CAMTA1: variants seen among roughly 807,000 people sequenced by gnomAD.
The protein encoded by CAMTA1 is calmodulin binding transcription activator 1.
A neutral mutation model predicts 170.9 loss-of-function variants in CAMTA1; 27 were observed. The ratio of observed to expected loss-of-function variants is 0.16; its 90% CI spans 0.12 to 0.22. The LOEUF (loss-of-function observed/expected upper bound fraction) is 0.22, where lower values mean the gene tolerates loss of function less well. Ranked by LOEUF, CAMTA1 falls within the 10% of genes least tolerant of loss-of-function variation. The pLI is 1.00. For synonymous variants in CAMTA1, 833 were observed against 891.5 expected, an observed-to-expected ratio of 0.93 and a Z score of 1.17; for missense variants, 1,619 against 2,217.2, an observed-to-expected ratio of 0.73 and a Z score of 5.42.
At chr1:7,431,292 C>G (rs1360546112) in intron 5 of CAMTA1, among the ~76,000 whole-genome samples, 1 of 152,214 alleles carries the variant, frequency 6.6e-6, no homozygotes, top group Non-Finnish European at 1.5e-5. Context: ...GGAGCCTGGC[C>G]AGGAAGCTTG....
intron 3 of CAMTA1, among the ~76,000 whole-genome samples, chr1:7,034,765 CTGAT>C (rs1475707802): frequency 6.6e-6 from 1 of 152,166 alleles, no homozygotes; most frequent in Non-Finnish European, 1.5e-5. Context: ...TCCCAGATGT[CTGAT>C]ATCTAGAGAA....
chr1:7,160,407 G>A (rs1047594785), intron 4 of CAMTA1, among the ~76,000 whole-genome samples: 11 of 151,972 alleles, frequency 7.2e-5, no homozygotes, highest in African/African-American at 1.9e-4. Context: ...GGTTGCCATC[G>A]GACGTTTCTC....
chr1:6,954,387 G>A (rs1372488554), intron 3 of CAMTA1, among the ~76,000 whole-genome samples: 2 of 152,190 alleles, frequency 1.3e-5, no homozygotes, highest in African/African-American at 2.4e-5. Flanking sequence ...GACGGGGGAA[G>A]CTCCAGCTTA....
At chr1:6,945,630 A>T (rs921431203) in intron 3 of CAMTA1, among the ~76,000 whole-genome samples, 5 of 152,116 alleles carry the variant, frequency 3.3e-5, no homozygotes, top group African/African-American at 1.2e-4. Flanking sequence ...ACAGGCGTGA[A>T]CCACTGTACC....
Position 7,732,990 on chromosome 1 carries a change from T to C in CAMTA1, c.3066+391T>C, listed in dbSNP as rs1333191592. Among the ~76,000 whole-genome samples, 1 of 151,988 alleles carries C rather than the reference T, an allele frequency of 6.6e-6. No homozygotes were observed. Among genetic ancestry groups the C allele is most frequent in the Non-Finnish European group, 1.5e-5 (1 of 68,008 alleles). On this transcript the variant is annotated intron_variant, in intron 12 of 22. Transcript: ENST00000303635. This position sits in a 1 kb window ranked among gnomAD's most constrained non-coding sequence, Gnocchi z 4.1. ...GGGAGGATTGCTTGAGCCCAGGAGT[T>C]CACGACCAGCCTGAGCAACATACTG...
intron 4 of CAMTA1, among the ~76,000 whole-genome samples, chr1:7,205,295 G>C (rs1298424095): frequency 6.6e-6 from 1 of 152,072 alleles, no homozygotes; most frequent in African/African-American, 2.4e-5. Flanking sequence ...TAGAGACGGG[G>C]TTTCACTAAG....
chr1:6,828,365 C>T (rs1424991124), intron 3 of CAMTA1, among the ~76,000 whole-genome samples: 1 of 136,864 alleles, frequency 7.3e-6, no homozygotes, highest in Non-Finnish European at 1.5e-5. Context: ...GATCTTGGCT[C>T]ACTGCAACCT....
chr1:7,217,046 A>G (rs1378710737), intron 4 of CAMTA1, among the ~76,000 whole-genome samples: 1 of 152,098 alleles, frequency 6.6e-6, no homozygotes. Context: ...AATCTCTTTG[A>G]TATGGTTCGG....
chr1:7,656,969 G>A (rs547824620), intron 7 of CAMTA1, among the ~76,000 whole-genome samples: 44 of 152,300 alleles, frequency 2.9e-4, no homozygotes, highest in Admixed American at 2.5e-3. Context: ...TCCCAGCCTC[G>A]GCTCTGCAAG....
At position 7,508,176 on chromosome 1, in the gene CAMTA1, T is replaced by C. The variant is rs538266147; in HGVS notation, c.510+40275T>C. Among the ~76,000 whole-genome samples, 19 of 152,318 alleles carry C rather than the reference T, an allele frequency of 1.2e-4. No homozygotes were observed. In the East Asian group the frequency reaches 3.7e-3, roughly 29 times the overall value. On this transcript the variant is annotated intron_variant, in intron 6 of 22. Coordinates refer to ENST00000303635, the MANE Select transcript of CAMTA1 (RefSeq NM_015215.4). ...CAGAGAGGTGGAGCTGGGCTTTGCCTGGGGCCCTGACTCTGAGCTTGGGCT... is the reference window on the plus strand; with the variant it reads ...CAGAGAGGTGGAGCTGGGCTTTGCCCGGGGCCCTGACTCTGAGCTTGGGCT...
chr1:6,988,771 T>C (rs912389994), intron 3 of CAMTA1, among the ~76,000 whole-genome samples: 11 of 152,214 alleles, frequency 7.2e-5, no homozygotes, highest in African/African-American at 2.7e-4. Flanking sequence ...CAGTGTGATT[T>C]GTAAAGGCTT....
rs923618724 is a variant in CAMTA1 at position 7,103,778 on chromosome 1, TAAC to T, written c.302+12408_302+12410del. 5.0e-5 allele frequency among the ~76,000 whole-genome samples: 7 copies of T among 139,484 alleles called. No individual in the cohort carries two copies. The South Asian group carries it at 1.2e-3, about 23-fold the overall frequency. The allele number at this position is 139,484 out of a possible 152,430, so 91.5% of individuals were successfully genotyped here. Reference sequence around the variant, plus strand: ...TACACACATGCACACACAACACACATAACTACACGTACATACAACGCACATATA... The same window carrying T: ...TACACACATGCACACACAACACACATTACACGTACATACAACGCACATATA... On this transcript the variant is annotated intron_variant, in intron 4 of 22. Transcript: ENST00000303635.
intron 3 of CAMTA1, among the ~76,000 whole-genome samples, chr1:6,928,056 C>T (rs1683668818): frequency 6.6e-6 from 1 of 152,188 alleles, no homozygotes; most frequent in Non-Finnish European, 1.5e-5. Context: ...GCATCCTGTT[C>T]TCCTCCTGCC....
At chr1:6,892,353 T>G (rs1005864677) in intron 3 of CAMTA1, among the ~76,000 whole-genome samples, 1 of 152,188 alleles carries the variant, frequency 6.6e-6, no homozygotes, top group African/African-American at 2.4e-5. Flanking sequence ...TGCGGCCCCC[T>G]CTGAGAGGCT....
chr1:7,016,838 G>GA (rs1360688533), intron 3 of CAMTA1, among the ~76,000 whole-genome samples: 26 of 132,704 alleles, frequency 2.0e-4, no homozygotes, highest in African/African-American at 2.6e-4. Flanking sequence ...TGTCTCAAAA[G>GA]AAGAAAAAAA....
intron 7 of CAMTA1, among the ~76,000 whole-genome samples, chr1:7,652,491 G>A (rs1402692317): frequency 6.6e-5 from 10 of 152,152 alleles, no homozygotes; most frequent in Admixed American, 5.9e-4. Context: ...CCAGGGACTC[G>A]GGAGCTTCTG....
intron 3 of CAMTA1, among the ~76,000 whole-genome samples, chr1:7,043,369 C>CTG (rs111515652): frequency 1.7e-4 from 18 of 104,378 alleles, no homozygotes; most frequent in East Asian, 5.7e-4. Flanking sequence ...GTGCATGTCT[C>CTG]TGTGTGTGTG....
At chr1:6,829,528 A>G (rs933550151) in intron 3 of CAMTA1, among the ~76,000 whole-genome samples, 2 of 152,220 alleles carry the variant, frequency 1.3e-5, no homozygotes, top group African/African-American at 4.8e-5. Flanking sequence ...TGATGGCTGC[A>G]CTAATTATGG....
At chr1:7,128,261 G>A (rs1418255002) in intron 4 of CAMTA1, among the ~76,000 whole-genome samples, 1 of 152,112 alleles carries the variant, frequency 6.6e-6, no homozygotes, top group East Asian at 1.9e-4. Context: ...GTCTCCTTTT[G>A]CTATAATAAG....
Sources: allele counts gnomAD v4.1 joint callset (sites outside exome capture counted in the v4.1 genomes callset), GRCh38; gene constraint gnomAD v4.1.1; non-coding constraint Gnocchi (gnomAD v3.1); transcripts MANE v1.5; gene names NCBI Gene and HGNC (gene_info 2026-07-23, HGNC 2026-07-21).